SAMSN1: variants seen among roughly 807,000 people sequenced by gnomAD.
SAMSN1 encodes SAM domain, SH3 domain and nuclear localization signals 1.
In SAMSN1, 31 loss-of-function variants were observed where a neutral mutation model predicts 42.0. That is an observed-to-expected ratio of 0.74 (90% confidence interval 0.55 to 1.00). The LOEUF is 1.00. Ranked by LOEUF, SAMSN1 falls within the 50% of genes least tolerant of loss-of-function variation. SAMSN1 has a pLI of 0.00. For missense variants in SAMSN1, 464 were observed against 439.4 expected (o/e 1.06, Z -0.50); for synonymous variants, 178 against 151.9 (o/e 1.17, Z -1.26).
intron 2 of SAMSN1, among the ~76,000 whole-genome samples, chr21:14,580,240 C>T (rs147014097): frequency 5.1e-4 from 77 of 152,282 alleles, no homozygotes; most frequent in African/African-American, 1.8e-3. Flanking sequence ...AATAGCAAAT[C>T]ATTCAGTTTG....
chr21:14,530,071 C>T lies in SAMSN1; in HGVS notation c.58-8850G>A, dbSNP rs559418404. On this transcript the variant is annotated intron_variant, in intron 1 of 7. Coordinates refer to ENST00000400566, the MANE Select transcript of SAMSN1 (RefSeq NM_022136.5). Reference sequence around the variant, plus strand: ...GTGGCTCACGCCTGCAATCCCAGCACTTTGGGAGGCCAAGGCAGGCGGATC... The same window carrying T: ...GTGGCTCACGCCTGCAATCCCAGCATTTTGGGAGGCCAAGGCAGGCGGATC... 2.2e-4 allele frequency among the ~76,000 whole-genome samples: 34 copies of T among 152,258 alleles called. 1 individual carries two copies. The South Asian group carries it at 4.8e-3, about 21-fold the overall frequency.
At chr21:14,623,798 T>C (rs1318785328) in intron 2 of SAMSN1, among the ~76,000 whole-genome samples, 2 of 152,098 alleles carry the variant, frequency 1.3e-5, no homozygotes, top group African/African-American at 2.4e-5. Context: ...TACAGAACTC[T>C]CCACCCCAAT....
intron 5 of SAMSN1, among the ~76,000 whole-genome samples, chr21:14,605,080 G>GT (rs1277906863): frequency 6.6e-6 from 1 of 152,222 alleles, no homozygotes; most frequent in Non-Finnish European, 1.5e-5. Context: ...GAGATTACAA[G>GT]TGCCCTTCAA....
chr21:14,642,932 A>G (rs1983628779), intron 2 of SAMSN1: 1 of 681,210 alleles, frequency 1.5e-6, no homozygotes, highest in Non-Finnish European at 2.7e-6. Context: ...ATTAATAAGT[A>G]TCATTAGGCA....
At chr21:14,598,160 G>T (rs2123291553) in intron 6 of SAMSN1, 1 of 152,226 alleles carries the variant, frequency 6.6e-6, no homozygotes, top group South Asian at 2.1e-4. Context: ...CTGGGTAGGG[G>T]TGCTTGACAG....
intron 5 of SAMSN1, among the ~76,000 whole-genome samples, chr21:14,606,532 T>C (rs1982575534): frequency 6.6e-6 from 1 of 152,130 alleles, no homozygotes; most frequent in South Asian, 2.1e-4. Flanking sequence ...TCAAAATAAA[T>C]TTAAATATTT....
upstream of SAMSN1, among the ~76,000 whole-genome samples, chr21:14,548,448 A>G (rs563251329): frequency 6.6e-6 from 1 of 152,330 alleles, no homozygotes; most frequent in African/African-American, 2.4e-5. Context: ...TATGAGACCC[A>G]TATCTGGACT....
At chr21:14,619,888 T>G (rs1038287364) in intron 2 of SAMSN1, among the ~76,000 whole-genome samples, 2 of 151,578 alleles carry the variant, frequency 1.3e-5, no homozygotes, top group African/African-American at 4.9e-5. Context: ...TTCAGCTTCC[T>G]CTTGGCGTCT....
At chr21:14,631,775 T>C (rs1309191206) in intron 2 of SAMSN1, among the ~76,000 whole-genome samples, 2 of 152,342 alleles carry the variant, frequency 1.3e-5, no homozygotes, top group East Asian at 3.9e-4. Context: ...TTACAGATGT[T>C]AGGCTTGATA....
chr21:14,517,299 T>C (rs1297048781), intron 2 of SAMSN1, among the ~76,000 whole-genome samples: 13 of 152,210 alleles, frequency 8.5e-5, no homozygotes, highest in Admixed American at 8.5e-4. Context: ...TTTTAGAGAA[T>C]TTTGACTATT....
At chr21:14,578,680 C>CAAAAAA (rs769354531) in intron 2 of SAMSN1, among the ~76,000 whole-genome samples, 7 of 63,718 alleles carry the variant, frequency 1.1e-4, no homozygotes, top group Non-Finnish European at 1.7e-4. Context: ...GAGAATCCAT[C>CAAAAAA]AAAAAAAAAA....
intron 2 of SAMSN1, among the ~76,000 whole-genome samples, chr21:14,577,316 T>G (rs550266111): frequency 7.4e-6 from 1 of 135,460 alleles, no homozygotes; most frequent in Non-Finnish European, 1.6e-5. Flanking sequence ...GGTTTTACTG[T>G]GTTAGCCAGG....
chr21:14,629,444 G>A (rs1199948271), intron 2 of SAMSN1, among the ~76,000 whole-genome samples: 1 of 152,122 alleles, frequency 6.6e-6, no homozygotes, highest in African/African-American at 2.4e-5. Context: ...ATGGTTCTCA[G>A]GGAAAACAGA....
At chr21:14,555,146 GC>G (rs1449557573) in intron 2 of SAMSN1, among the ~76,000 whole-genome samples, 3 of 152,168 alleles carry the variant, frequency 2.0e-5, no homozygotes, top group African/African-American at 2.4e-5. Context: ...CAAAGGCTGA[GC>G]CTCTCAGGGC....
At chr21:14,528,859 C>A (rs963667161) in intron 1 of SAMSN1, among the ~76,000 whole-genome samples, 4 of 152,126 alleles carry the variant, frequency 2.6e-5, no homozygotes, top group African/African-American at 9.7e-5. Context: ...TTACCGAGAG[C>A]TTTCCATCTG....
At chr21:14,606,278 T>G (rs939765230) in intron 5 of SAMSN1, among the ~76,000 whole-genome samples, 1 of 152,214 alleles carries the variant, frequency 6.6e-6, no homozygotes, top group Non-Finnish European at 1.5e-5. Flanking sequence ...AGCTTTTTCT[T>G]GTGGAATAGT....
chr21:14,494,614 G>A (rs1279372769), intron 7 of SAMSN1, among the ~76,000 whole-genome samples: 1 of 151,884 alleles, frequency 6.6e-6, no homozygotes, highest in African/African-American at 2.4e-5. Context: ...GTAGATGAAG[G>A]GTTGATGGGT....
intron 2 of SAMSN1, among the ~76,000 whole-genome samples, chr21:14,637,891 C>T (rs1983504729): frequency 1.3e-5 from 2 of 152,136 alleles, no homozygotes; most frequent in Non-Finnish European, 2.9e-5. Flanking sequence ...CCATCCTTCA[C>T]GTACACTGCA....
At chr21:14,635,112 A>T (rs139660151) in intron 2 of SAMSN1, among the ~76,000 whole-genome samples, 6 of 152,192 alleles carry the variant, frequency 3.9e-5, no homozygotes, top group Non-Finnish European at 7.3e-5. Flanking sequence ...GTTCTCACTC[A>T]TAAGTGGGAG....
Sources: gnomAD v4.1 joint callset for allele counts (sites outside exome capture counted in the v4.1 genomes callset) on GRCh38, gnomAD v4.1.1 for gene constraint, MANE v1.5 for transcripts, NCBI Gene and HGNC (gene_info 2026-07-23, HGNC 2026-07-21) for gene names.